Variants in CENATAC observed in about 807,000 individuals in gnomAD.
The protein encoded by CENATAC is centrosomal AT-AC splicing factor.
CENATAC carries 53 observed loss-of-function variants against 53.7 expected under a neutral mutation model. That is an observed-to-expected ratio of 0.99 (90% CI 0.79 to 1.24). CENATAC has a LOEUF of 1.24. Among genes scored for constraint, CENATAC ranks in the 50% most tolerant of loss-of-function variants. The probability of loss-of-function intolerance (pLI) is 0.00; values close to 1 mark genes in which losing one functional copy is unlikely to be tolerated. For synonymous variants in CENATAC, 156 were observed against 144.6 expected (o/e 1.08, Z -0.57); for missense variants, 474 against 417.8 (o/e 1.13, Z -1.17).
chr11:119,005,131 G>T (rs1202801842), intron 3 of CENATAC, among the ~76,000 whole-genome samples: 1 of 151,978 alleles, frequency 6.6e-6, no homozygotes, highest in Non-Finnish European at 1.5e-5. Flanking sequence ...AAACACGGAG[G>T]AGTCTGCTAA....
intron 3 of CENATAC, among the ~76,000 whole-genome samples, chr11:119,002,160 A>C (rs1247688772): frequency 1.4e-5 from 2 of 140,536 alleles, no homozygotes; most frequent in African/African-American, 2.6e-5. Context: ...GGAGGCAGAG[A>C]TTGTACTGAG....
intron 8 of CENATAC, chr11:119,014,139 C>G (rs1943018149): frequency 6.6e-6 from 1 of 152,218 alleles, no homozygotes; most frequent in Admixed American, 6.5e-5. Context: ...TCTACATAGA[C>G]TTGTACACAA....
At chr11:119,009,004 C>G (rs149540832) in intron 3 of CENATAC, among the ~76,000 whole-genome samples, 2 of 152,156 alleles carry the variant, frequency 1.3e-5, no homozygotes, top group Admixed American at 6.5e-5. Context: ...TGGGACAAAG[C>G]TACAAATCAA....
In CENATAC at chr11:118,998,185, G is replaced by A. The variant is rs376209957; in HGVS notation, c.-13G>A. The A allele has an allele frequency of 5.7e-6, 9 of 1,574,568 alleles. No homozygotes were observed. The highest frequency in any genetic ancestry group is 1.3e-5 in the African/African-American group (1 of 74,092). ...ATCGGCCGCTGGTGGTGGTGATACC[G>A]GGTACCCGGGCTATGGCGCCGGCGC... is the stretch of plus-strand genomic sequence containing the variant. On this transcript the variant is annotated 5_prime_UTR_variant, in exon 1 of 11. Transcript: ENST00000334418.
rs781967187 is a variant in CENATAC at position 119,015,033 on chromosome 11, T to G, written c.755T>G (p.Ile252Ser). 1.2e-6 allele frequency: 2 copies of G among 1,612,300 alleles called. No individual in the cohort carries two copies. Among genetic ancestry groups the G allele is most frequent in the South Asian group, 2.2e-5 (2 of 90,786 alleles). Residue 252 changes from isoleucine (I) to serine (S), a missense_variant, in exon 9 of 11, where the codon ATT (isoleucine) becomes AGT (serine). Physicochemically the swap from Ile to Ser is moderately radical, Grantham distance 142 (BLOSUM62 -2). Transcript: ENST00000334418. Reference sequence around the variant, plus strand: ...TGGATGATCCAAGATGAAGAATACATTGCTGGGAACCAAGAAATAGGACCA... The same window carrying G: ...TGGATGATCCAAGATGAAGAATACAGTGCTGGGAACCAAGAAATAGGACCA... ...PPWMIQDEEY[I>S]AGNQEIGPSY...
At chr11:119,003,011 T>C (rs1942389571) in intron 3 of CENATAC, 6 of 518,602 alleles carry the variant, frequency 1.2e-5, no homozygotes, top group Admixed American at 5.9e-5. Flanking sequence ...CTGGACTCAG[T>C]TGAGATGATC....
Position 119,014,974 on chromosome 11 carries a change from A to AAAAC in CENATAC, c.716-20_716-19insAAAC. On this transcript the variant is annotated intron_variant, in intron 8 of 10. Transcript: ENST00000334418. ...CTGAAGACTTAAAAAAAAAAAAAAA[A>AAAAC]GCCTTAATTTTTTTTTCAGGTGCCA... is the stretch of plus-strand genomic sequence containing the variant. 1 of 1,459,510 alleles carries AAAAC rather than the reference A, an allele frequency of 6.9e-7. No individual in the cohort carries two copies. Among genetic ancestry groups the AAAAC allele is most frequent in the Non-Finnish European group, 9.4e-7 (1 of 1,065,910 alleles). 90.4% of individuals were successfully genotyped at this position (1,459,510 alleles called of 1,614,324 possible).
At chr11:119,012,996 CACTCT>C (rs1942945889) in intron 7 of CENATAC, 1 of 441,966 alleles carries the variant, frequency 2.3e-6, no homozygotes, top group East Asian at 3.7e-5. Flanking sequence ...ATGTAATAGC[CACTCT>C]ACTTACAGAC....
In CENATAC at chr11:119,015,419, T is replaced by C. The variant is rs980066213; in HGVS notation, c.918T>C (p.Asn306=). ...CCTCTTTTGGCCGCGTCTGGAATAA[T>C]GGACGCCGCTGGCAGTCCAGGTATG... is the stretch of plus-strand genomic sequence containing the variant. The part of the protein sequence containing the change: ...WLPSFGRVWN[N]GRRWQSRHQF... Residue 306 remains asparagine (N), a synonymous_variant, in exon 10 of 11, where the codon AAT becomes AAC. Coordinates refer to ENST00000334418, the MANE Select transcript of CENATAC (RefSeq NM_198489.3). 3 of 1,614,052 alleles carry C rather than the reference T, an allele frequency of 1.9e-6. No homozygotes were observed. Among genetic ancestry groups the C allele is most frequent in the African/African-American group, 1.3e-5 (1 of 74,932 alleles).
intron 3 of CENATAC, chr11:119,010,241 C>G (rs572840306): frequency 6.5e-6 from 1 of 154,374 alleles, no homozygotes; most frequent in East Asian, 1.9e-4. Context: ...TAAGACTGTT[C>G]CAGACTAGGG....
Position 119,011,293 on chromosome 11 carries a change from C to T in CENATAC, c.513+10C>T. The T allele has an allele frequency of 6.2e-7, 1 of 1,613,690 alleles. No homozygotes were observed. Among genetic ancestry groups the T allele is most frequent in the East Asian group, 2.2e-5 (1 of 44,874 alleles). ...TCGGTCTGTCTTAGAGGTTGGTTTC[C>T]CTCGGAGGATCCAGACCAGTATCCA... On this transcript the variant is annotated intron_variant, in intron 5 of 10. Transcript: ENST00000334418.
At chr11:118,999,665 T>G (rs1942192710) in intron 3 of CENATAC, among the ~76,000 whole-genome samples, 1 of 151,886 alleles carries the variant, frequency 6.6e-6, no homozygotes, top group Non-Finnish European at 1.5e-5. Flanking sequence ...CTTTTTCTTT[T>G]TATTTTTCGC....
intron 5 of CENATAC, 50 bp from the exon 6 acceptor site, chr11:119,011,889 C>T: frequency 6.5e-7 from 1 of 1,546,400 alleles, no homozygotes; most frequent in Non-Finnish European, 8.9e-7. Flanking sequence ...ATGGCCTAGG[C>T]AGGCTCTTAA....
In CENATAC at chr11:119,015,310, A is replaced by C; in HGVS notation, c.809A>C (p.Glu270Ala). The change falls in exon 10 of 11, where the codon GAA (glutamate) becomes GCA (alanine). Residue 270 changes from glutamate (E) to alanine (A), a missense_variant. Transcript: ENST00000334418. ...PSYEEFLKEK[E>A]KQKLKKLPPD... ...AAGTTTCCCTATCATTGTACAGAGG[A>C]AAAACAGAAGTTGAAAAAACTCCCC... 1 of 1,610,400 alleles carries C rather than the reference A, an allele frequency of 6.2e-7. No individual in the cohort carries two copies. Among genetic ancestry groups the C allele is most frequent in the Admixed American group, 1.7e-5 (1 of 58,794 alleles).
intron 3 of CENATAC, among the ~76,000 whole-genome samples, chr11:119,009,302 G>A (rs11825284): frequency 0.28 from 41,936 of 151,914 alleles, 6,573 homozygotes; most frequent in African/African-American, 0.42. Flanking sequence ...AATTTTTTGT[G>A]TTTTTGTAGA....
chr11:119,012,276 G>C lies in CENATAC; in HGVS notation c.684+22G>C, dbSNP rs782701842. On this transcript the variant is annotated intron_variant, in intron 7 of 10. Coordinates refer to ENST00000334418, the MANE Select transcript of CENATAC (RefSeq NM_198489.3). ...TCAGGTACAAAGGATAAGCAAGCCA[G>C]AAGAGGGCCAATGGTCCCTCAGGTC... 28 of 1,612,568 alleles carry C rather than the reference G, an allele frequency of 1.7e-5. No homozygotes were observed. In the Admixed American group the frequency reaches 3.8e-4, roughly 22 times the overall value.
chr11:119,012,226 G>A lies in CENATAC; in HGVS notation c.656G>A (p.Gly219Glu). Residue 219 changes from glycine to glutamate, a missense_variant, in exon 7 of 11, where the codon GGA becomes GAA. Physicochemically the swap from Gly to Glu is moderately conservative, Grantham distance 98 (BLOSUM62 -2). Coordinates refer to ENST00000334418, the MANE Select transcript of CENATAC (RefSeq NM_198489.3). The stretch of plus-strand genomic sequence containing the variant: ...CCAGAGCTTGACTGGATGGAGACAG[G>A]ACCATCTCTGACATTCATTGGCCAT... Reference protein sequence around the residue: ...PAPELDWMETGPSLTFIGHQD... With the variant: ...PAPELDWMETEPSLTFIGHQD... The A allele has an allele frequency of 6.2e-7, 1 of 1,614,094 alleles. No homozygotes were observed. Among genetic ancestry groups the A allele is most frequent in the African/African-American group, 1.3e-5 (1 of 75,014 alleles).
intron 5 of CENATAC, 100 bp from the exon 6 acceptor site, chr11:119,011,839 T>A: frequency 1.0e-6 from 1 of 994,136 alleles, no homozygotes; most frequent in South Asian, 1.4e-5. Context: ...TATGCTAATT[T>A]GTTTCCTTCC....
At chr11:119,007,483 T>TA (rs1447909216) in intron 3 of CENATAC, among the ~76,000 whole-genome samples, 1 of 151,860 alleles carries the variant, frequency 6.6e-6, no homozygotes, top group Non-Finnish European at 1.5e-5. Context: ...AATCTGGCCT[T>TA]TTTATTTATT....
Sources: allele counts gnomAD v4.1 joint callset (sites outside exome capture counted in the v4.1 genomes callset), GRCh38; gene constraint gnomAD v4.1.1; transcripts MANE v1.5; gene names NCBI Gene and HGNC (gene_info 2026-07-23, HGNC 2026-07-21).